Variants in ABCB1 observed in about 807,000 individuals in gnomAD.
ABCB1 encodes the protein ATP binding cassette subfamily B member 1.
A neutral mutation model predicts 142.0 loss-of-function variants in ABCB1; 69 were observed. That is an observed-to-expected ratio of 0.49 (90% CI 0.40 to 0.59). ABCB1 has a LOEUF of 0.59. Among genes scored for constraint, ABCB1 ranks in the 20% least tolerant of loss-of-function variants. The pLI is 0.00. For synonymous variants in ABCB1, 532 were observed against 539.2 expected, an observed-to-expected ratio of 0.99 and a Z score of 0.18; for missense variants, 1,326 against 1,554.7, an observed-to-expected ratio of 0.85 and a Z score of 2.47.
intron 4 of ABCB1, among the ~76,000 whole-genome samples, chr7:87,582,598 T>C (rs111370386): frequency 0.015 from 2,277 of 152,268 alleles, 68 homozygotes; most frequent in African/African-American, 0.051. Flanking sequence ...CCTTTTTCTA[T>C]AAAGGGCCAG....
rs190367745 is a variant in ABCB1, at chr7:87,686,918, C to T, written c.-331+26243G>A. The stretch of plus-strand genomic sequence containing the variant: ...CCATGATTGTGCCACTCCACTCCAG[C>T]CTGGACAACAGAGGGAGACTCTATC... On this transcript the variant is annotated intron_variant, in intron 1 of 28. Coordinates refer to the ABCB1 transcript ENST00000265724. Among the ~76,000 whole-genome samples the T allele has an allele frequency of 1.1e-3, 169 of 150,370 alleles. 1 individual carries two copies. The highest frequency in any genetic ancestry group is 1.8e-3 in the Non-Finnish European group (123 of 67,674).
At chr7:87,659,533 A>C (rs1305531596) in intron 1 of ABCB1, among the ~76,000 whole-genome samples, 2 of 152,160 alleles carry the variant, frequency 1.3e-5, no homozygotes. Context: ...CTCTACATAC[A>C]TATAGGACCA....
chr7:87,641,151 A>G (rs1822413468), intron 1 of ABCB1, among the ~76,000 whole-genome samples: 1 of 152,088 alleles, frequency 6.6e-6, no homozygotes, highest in South Asian at 2.1e-4. Context: ...TTGTTCTTTT[A>G]GTACTATCAT....
At chr7:87,553,416 G>C (rs1374354066) in intron 9 of ABCB1, among the ~76,000 whole-genome samples, 1 of 151,294 alleles carries the variant, frequency 6.6e-6, no homozygotes, top group Non-Finnish European at 1.5e-5. Flanking sequence ...CGCCTCCCGG[G>C]TTAACGCCAT....
At chr7:87,569,536 T>A (rs925693056) in intron 5 of ABCB1, among the ~76,000 whole-genome samples, 1 of 152,148 alleles carries the variant, frequency 6.6e-6, no homozygotes, top group African/African-American at 2.4e-5. Flanking sequence ...ACTGTATTTT[T>A]TCTGGGATGT....
chr7:87,519,290 T>A, intron 23 of ABCB1, 36 bp downstream of exon 23: 1 of 1,600,294 alleles, frequency 6.2e-7, no homozygotes, highest in Non-Finnish European at 8.6e-7. Context: ...CCAGCTTTAT[T>A]TTTAGAGCTT....
At chr7:87,529,798 C>T (rs1014545955) in intron 21 of ABCB1, among the ~76,000 whole-genome samples, 1 of 152,140 alleles carries the variant, frequency 6.6e-6, no homozygotes, top group African/African-American at 2.4e-5. Flanking sequence ...ATGGGGGAGA[C>T]CCCCAAAGTA....
chr7:87,706,998 C>T (rs1393812263), intron 1 of ABCB1, among the ~76,000 whole-genome samples: 2 of 152,094 alleles, frequency 1.3e-5, no homozygotes, highest in Non-Finnish European at 1.5e-5. Context: ...TTACTTGAGA[C>T]CCCTGAAAGA....
intron 14 of ABCB1, among the ~76,000 whole-genome samples, chr7:87,547,212 G>A (rs976020142): frequency 2.0e-5 from 3 of 152,074 alleles, no homozygotes; most frequent in African/African-American, 7.2e-5. Context: ...ATAAGTAGAA[G>A]TGGAAAACTT....
At chr7:87,660,732 T>C (rs757971916) in intron 1 of ABCB1, among the ~76,000 whole-genome samples, 8 of 152,028 alleles carry the variant, frequency 5.3e-5, no homozygotes, top group Non-Finnish European at 1.2e-4. Flanking sequence ...CAACTACTGC[T>C]TTGGCTAAAT....
intron 1 of ABCB1, among the ~76,000 whole-genome samples, chr7:87,712,953 A>C (rs971929410): frequency 6.6e-6 from 1 of 152,124 alleles, no homozygotes; most frequent in Non-Finnish European, 1.5e-5. Context: ...AGTTATTTCA[A>C]AGTTTTTATC....
chr7:87,505,082 G>T (rs1169057747), intron 27 of ABCB1, among the ~76,000 whole-genome samples: 1 of 152,014 alleles, frequency 6.6e-6, no homozygotes, highest in Non-Finnish European at 1.5e-5. Flanking sequence ...TTCCACCTCA[G>T]CCTTCTGAGT....
chr7:87,633,062 ATAT>A (rs1475614783), intron 1 of ABCB1, among the ~76,000 whole-genome samples: 32 of 152,304 alleles, frequency 2.1e-4, no homozygotes, highest in African/African-American at 7.0e-4. Context: ...ATAGGTCATG[ATAT>A]TATTTCAGAA....
intron 18 of ABCB1, among the ~76,000 whole-genome samples, chr7:87,540,606 C>T (rs1029419325): frequency 1.2e-4 from 19 of 152,194 alleles, no homozygotes; most frequent in African/African-American, 2.2e-4. Context: ...TGGATCACCA[C>T]GCCCTGTTAA....
chr7:87,581,076 G>C (rs927164112), intron 4 of ABCB1, among the ~76,000 whole-genome samples: 2 of 151,944 alleles, frequency 1.3e-5, no homozygotes, highest in African/African-American at 4.8e-5. Context: ...GGAGGCTTTT[G>C]TTTGGCTATC....
At chr7:87,516,171 A>G (rs1223178751) in intron 24 of ABCB1, among the ~76,000 whole-genome samples, 3 of 152,156 alleles carry the variant, frequency 2.0e-5, no homozygotes, top group Non-Finnish European at 4.4e-5. Flanking sequence ...GCTTGAGCCC[A>G]GAAGATCAAG....
chr7:87,600,169 C>G lies in ABCB1; in HGVS notation c.16G>C (p.Asp6His), dbSNP rs780204251. ...TTCTTCTTTGCTCCTCCATTGCGGTCCCCTTCAAGATCCATTCCGACCTGA... is the reference window on the plus strand; with the variant it reads ...TTCTTCTTTGCTCCTCCATTGCGGTGCCCTTCAAGATCCATTCCGACCTGA... MDLEG[D>H]RNGGAKKKNF... Residue 6 changes from aspartate (D) to histidine (H), a missense_variant, in exon 2 of 28, where the codon GAC (aspartate) becomes CAC (histidine). Asp to His is a moderately conservative substitution (Grantham distance 81). Coordinates refer to ENST00000622132, the MANE Select transcript of ABCB1 (RefSeq NM_001348946.2). 6.2e-7 allele frequency: 1 copy of G among 1,614,092 alleles called. No homozygotes were observed. Among genetic ancestry groups the G allele is most frequent in the South Asian group, 1.1e-5 (1 of 91,052 alleles).
At chr7:87,579,621 T>C (rs1415026644) in intron 4 of ABCB1, among the ~76,000 whole-genome samples, 1 of 152,172 alleles carries the variant, frequency 6.6e-6, no homozygotes, top group Non-Finnish European at 1.5e-5. Context: ...CTCTATGTCT[T>C]TTGATTAGAG....
intron 4 of ABCB1, among the ~76,000 whole-genome samples, chr7:87,578,914 C>T (rs1584896858): frequency 2.6e-5 from 4 of 151,938 alleles, no homozygotes; most frequent in African/African-American, 7.2e-5. Flanking sequence ...GGGATAGTCT[C>T]GATCTCCTGA....
Sources: allele counts gnomAD v4.1 joint callset (sites outside exome capture counted in the v4.1 genomes callset), GRCh38; gene constraint gnomAD v4.1.1; transcripts MANE v1.5; gene names NCBI Gene and HGNC (gene_info 2026-07-23, HGNC 2026-07-21).